CHD6: variants seen among roughly 807,000 people sequenced by gnomAD.
The protein encoded by CHD6 is chromodomain helicase DNA binding protein 6, also known as ATP-dependent chromatin remodeler CHD6.
A neutral mutation model predicts 276.9 loss-of-function variants in CHD6; 50 were observed. That is an observed-to-expected ratio of 0.18 (90% CI 0.14 to 0.23). CHD6 has a LOEUF of 0.23. Among genes scored for constraint, CHD6 ranks in the 10% least tolerant of loss-of-function variants. The probability of loss-of-function intolerance (pLI) is 1.00; values close to 1 mark genes in which losing one functional copy is unlikely to be tolerated. For missense variants in CHD6, 2,564 were observed against 3,365.8 expected (o/e 0.76, Z 5.89); for synonymous variants, 1,173 against 1,229.3 (o/e 0.95, Z 0.96).
In CHD6 at chr20:41,452,441, T is replaced by C. The variant is rs934660397; in HGVS notation, c.3323+299A>G. Among the ~76,000 whole-genome samples the C allele has an allele frequency of 4.6e-5, 7 of 152,218 alleles. No individual in the cohort carries two copies. Among genetic ancestry groups the C allele is most frequent in the Non-Finnish European group, 8.8e-5 (6 of 68,038 alleles). On this transcript the variant is annotated intron_variant, in intron 21 of 36. Transcript: ENST00000373233. This position sits in a 1 kb window ranked among gnomAD's most constrained non-coding sequence, Gnocchi z 4.2. ...TAACATGTGTTGTGTGGACTCCTTG[T>C]ATATCCTTGCGGGGTGGGAGGAAGC...
chr20:41,561,587 C>G (rs987884069), intron 1 of CHD6, among the ~76,000 whole-genome samples: 8 of 152,166 alleles, frequency 5.3e-5, no homozygotes, highest in Non-Finnish European at 1.2e-4. Flanking sequence ...CTAGGTTTCT[C>G]CTCTCTAGGT....
chr20:41,473,576 G>T lies in CHD6; in HGVS notation c.2469-59C>A. The T allele has an allele frequency of 2.9e-6, 4 of 1,390,898 alleles. No individual in the cohort carries two copies. Among genetic ancestry groups the T allele is most frequent in the Non-Finnish European group, 2.0e-6 (2 of 988,048 alleles). 86.2% of individuals were successfully genotyped at this position (1,390,898 alleles called of 1,614,324 possible). A position where few individuals can be genotyped will look rare whatever the true frequency, so the allele number is the denominator to read the frequency against. On this transcript the variant is annotated intron_variant, in intron 16 of 36. Transcript: ENST00000373233. This position sits in a 1 kb window ranked among gnomAD's most constrained non-coding sequence, Gnocchi z 4.1. ...TTAATCATGACTTCAATGGAGAACA[G>T]CACAAAATGCAGGAAGCTGTCGACT...
At chr20:41,457,472 A>G (rs1267061367) in intron 17 of CHD6, 44 bp from the exon 18 acceptor site, 5 of 1,580,012 alleles carry the variant, frequency 3.2e-6, no homozygotes, top group African/African-American at 1.3e-5. Flanking sequence ...CCGTATGTAT[A>G]AACGGCAGCA....
chr20:41,591,891 A>AG (rs2045665601), intron 1 of CHD6, among the ~76,000 whole-genome samples: 2 of 152,186 alleles, frequency 1.3e-5, no homozygotes, highest in Non-Finnish European at 2.9e-5. Context: ...CAAGGTCAGG[A>AG]GATCAAGACC....
intron 1 of CHD6, among the ~76,000 whole-genome samples, chr20:41,611,911 TA>T (rs2045891236): frequency 6.6e-6 from 1 of 152,216 alleles, no homozygotes; most frequent in Non-Finnish European, 1.5e-5. Flanking sequence ...GTGCTGGGAT[TA>T]CAGGTGTGAG....
At chr20:41,550,512 T>C (rs1368561204) in intron 2 of CHD6, among the ~76,000 whole-genome samples, 1 of 152,142 alleles carries the variant, frequency 6.6e-6, no homozygotes, top group African/African-American at 2.4e-5. Context: ...ACCCTATTAT[T>C]AGACTAGAGT....
intron 1 of CHD6, among the ~76,000 whole-genome samples, chr20:41,554,833 C>T (rs979184468): frequency 1.8e-4 from 27 of 152,218 alleles, no homozygotes; most frequent in African/African-American, 6.3e-4. Context: ...CCCCACCTTT[C>T]CCCTCTTTCT....
intron 14 of CHD6, among the ~76,000 whole-genome samples, chr20:41,486,939 C>T (rs1398317910): frequency 1.3e-5 from 2 of 152,094 alleles, no homozygotes; most frequent in South Asian, 2.1e-4. Context: ...AAATTGTACT[C>T]TCTCCCTAGA....
intron 8 of CHD6, 105 bp from the exon 9 acceptor site, chr20:41,494,049 A>G (rs1428328007): frequency 2.8e-6 from 2 of 722,472 alleles, no homozygotes; most frequent in Admixed American, 5.3e-5. Context: ...CCTATCAACA[A>G]ACACAAAAAG....
At chr20:41,414,981 G>A in intron 34 of CHD6, 1 of 1,409,688 alleles carries the variant, frequency 7.1e-7, no homozygotes. Context: ...ATTTCTCCAG[G>A]CTGTAAGCAG....
At chr20:41,423,364 A>G in intron 30 of CHD6, 128 bp downstream of exon 30, 1 of 801,128 alleles carries the variant, frequency 1.2e-6, no homozygotes, top group Non-Finnish European at 2.1e-6. Context: ...TCTAAAAGCC[A>G]CTCATCTTTA....
chr20:41,599,184 A>C, intron 1 of CHD6, among the ~76,000 whole-genome samples: 1 of 152,240 alleles, frequency 6.6e-6, no homozygotes, highest in Non-Finnish European at 1.5e-5. Context: ...ATTAGGTCCT[A>C]ACAGCCAAAT....
intron 17 of CHD6, among the ~76,000 whole-genome samples, chr20:41,467,081 C>A (rs2042937849): frequency 6.6e-6 from 1 of 152,320 alleles, no homozygotes; most frequent in East Asian, 1.9e-4. Context: ...TAGTCCTCAA[C>A]TGCCTACCTC....
intron 16 of CHD6, among the ~76,000 whole-genome samples, chr20:41,476,041 T>C (rs971861725): frequency 1.3e-5 from 2 of 152,190 alleles, no homozygotes; most frequent in African/African-American, 4.8e-5. Context: ...TCCCTCACTT[T>C]TGAGCCAGAT....
intron 3 of CHD6, among the ~76,000 whole-genome samples, chr20:41,524,775 C>T (rs1459825934): frequency 6.6e-6 from 1 of 152,204 alleles, no homozygotes; most frequent in Non-Finnish European, 1.5e-5. Flanking sequence ...GTTGAACTCT[C>T]TTAGTGGAGG....
intron 17 of CHD6, among the ~76,000 whole-genome samples, chr20:41,466,380 A>C (rs2042921154): frequency 6.6e-6 from 1 of 152,170 alleles, no homozygotes; most frequent in African/African-American, 2.4e-5. Context: ...GTATAGCAGG[A>C]TATAGTGATA....
chr20:41,420,409 A>C, intron 31 of CHD6, 99 bp downstream of exon 31: 2 of 1,342,244 alleles, frequency 1.5e-6, no homozygotes, highest in African/African-American at 1.5e-5. Context: ...TCTGTTTCAG[A>C]AGCTGTAAAA....
chr20:41,497,413 G>T lies in CHD6; in HGVS notation c.1063C>A (p.Gln355Lys). The change falls in exon 8 of 37, where the codon CAA becomes AAA. Residue 355 changes from glutamine to lysine, a missense_variant. Transcript: ENST00000373233. Reference protein sequence around the residue: ...AQKIKRFRNKQAQMKHIFTEP... With the variant: ...AQKIKRFRNKKAQMKHIFTEP... ...GTAAAAATGTGCTTCATCTGGGCTT[G>T]TTTATTCCTAAATCGCTTGATCTTC... The T allele has an allele frequency of 6.2e-7, 1 of 1,613,508 alleles. No individual in the cohort carries two copies. Among genetic ancestry groups the T allele is most frequent in the Middle Eastern group, 1.7e-4 (1 of 6,056 alleles).
chr20:41,403,814 C>T lies in CHD6; in HGVS notation c.*779G>A, dbSNP rs41278108. ...GCTTGTGAAGCAGCGTGTAGCTCTACGGAGCGCGGGTCCTTGCCCCACCCC... is the reference window on the plus strand; with the variant it reads ...GCTTGTGAAGCAGCGTGTAGCTCTATGGAGCGCGGGTCCTTGCCCCACCCC... On this transcript the variant is annotated 3_prime_UTR_variant, in exon 37 of 37. Coordinates refer to ENST00000373233, the MANE Select transcript of CHD6 (RefSeq NM_032221.5). 18,534 of 1,057,438 alleles carry T rather than the reference C, an allele frequency of 0.018. 209 individuals carry two copies. Among genetic ancestry groups the T allele is most frequent in the East Asian group, 0.052 (990 of 19,152 alleles). 65.5% of individuals were successfully genotyped at this position (1,057,438 alleles called of 1,614,324 possible).
Sources: allele counts gnomAD v4.1 joint callset (sites outside exome capture counted in the v4.1 genomes callset), GRCh38; gene constraint gnomAD v4.1.1; non-coding constraint Gnocchi (gnomAD v3.1); transcripts MANE v1.5; gene names NCBI Gene and HGNC (gene_info 2026-07-23, HGNC 2026-07-21).